The following MACF1 variants were observed in gnomAD, a reference collection of about 807,000 sequenced individuals.
MACF1 encodes the protein microtubule-actin cross-linking factor 1.
MACF1 carries 193 observed loss-of-function variants against 854.8 expected under a neutral mutation model. That is an observed-to-expected ratio of 0.23 (90% confidence interval 0.20 to 0.25). MACF1 has a LOEUF of 0.25. Ranked by LOEUF, MACF1 falls within the 10% of genes least tolerant of loss-of-function variation. MACF1 has a pLI of 1.00. For synonymous variants in MACF1, 3,185 were observed against 3,226.7 expected, an observed-to-expected ratio of 0.99 and a Z score of 0.44; for missense variants, 7,722 against 8,929.1, an observed-to-expected ratio of 0.86 and a Z score of 5.45.
Position 39,099,906 on chromosome 1 carries a change from C to T in MACF1, c.220+15468C>T, listed in dbSNP as rs533523383. On this transcript the variant is annotated intron_variant, in intron 2 of 93. Transcript: ENST00000361689. ...GAGTTCAAGACCAACATAGTGAGAC[C>T]CTGTCTCTATAAAAAATTTTTTTAA... 1.9e-4 allele frequency among the ~76,000 whole-genome samples: 29 copies of T among 152,180 alleles called. No individual in the cohort carries two copies. The East Asian group carries it at 3.5e-3, about 18-fold the overall frequency.
intron 97 of MACF1, among the ~76,000 whole-genome samples, chr1:39,476,525 TG>T (rs1644886199): frequency 6.6e-6 from 1 of 151,048 alleles, no homozygotes; most frequent in African/African-American, 2.4e-5. Context: ...GAGCCAAGAT[TG>T]GGCCACTGCA....
At chr1:39,311,917 A>G (rs1002011689) in intron 26 of MACF1, among the ~76,000 whole-genome samples, 16 of 152,012 alleles carry the variant, frequency 1.1e-4, no homozygotes, top group African/African-American at 2.4e-4. Context: ...CTAACTTTCT[A>G]TTTTTTCCCC....
intron 2 of MACF1, among the ~76,000 whole-genome samples, chr1:39,233,805 T>TA (rs1195946756): frequency 1.0e-5 from 1 of 99,610 alleles, no homozygotes; most frequent in African/African-American, 3.0e-5. Flanking sequence ...TTTATTTATT[T>TA]TTTATTGATA....
At chr1:39,160,653 T>G (rs1207040129) in intron 2 of MACF1, among the ~76,000 whole-genome samples, 1 of 152,234 alleles carries the variant, frequency 6.6e-6, no homozygotes, top group Non-Finnish European at 1.5e-5. Context: ...GTGGGAGAAG[T>G]TCCTGGAAAG....
intron 58 of MACF1, among the ~76,000 whole-genome samples, chr1:39,391,645 G>A (rs1642040707): frequency 1.3e-5 from 2 of 152,204 alleles, no homozygotes; most frequent in South Asian, 4.1e-4. Flanking sequence ...ATAGTGTTTG[G>A]ATTTGAGGAC....
chr1:39,288,600 G>GA (rs894564130), intron 15 of MACF1, among the ~76,000 whole-genome samples: 5 of 151,818 alleles, frequency 3.3e-5, no homozygotes, highest in African/African-American at 1.2e-4. Flanking sequence ...AGGAGTTCAA[G>GA]ACCAGTCTGG....
intron 84 of MACF1, among the ~76,000 whole-genome samples, chr1:39,449,712 T>TTTG (rs1553428222): frequency 2.1e-5 from 3 of 145,980 alleles, no homozygotes; most frequent in African/African-American, 7.4e-5. Context: ...TTTTTTTTTT[T>TTTG]GTCATGTTGA....
At chr1:39,307,048 T>C (rs1303030818) in intron 23 of MACF1, among the ~76,000 whole-genome samples, 1 of 151,764 alleles carries the variant, frequency 6.6e-6, no homozygotes, top group Non-Finnish European at 1.5e-5. Context: ...CTAATTTTTA[T>C]ATTTTTAGTA....
At chr1:39,297,215 C>T (rs924996321) in intron 20 of MACF1, among the ~76,000 whole-genome samples, 7 of 152,130 alleles carry the variant, frequency 4.6e-5, no homozygotes, top group South Asian at 2.1e-4. Context: ...CGTGAGCCAC[C>T]GCGCCTGGCC....
chr1:39,175,695 A>C (rs1022404837), intron 2 of MACF1, among the ~76,000 whole-genome samples: 68 of 151,916 alleles, frequency 4.5e-4, no homozygotes, highest in African/African-American at 1.5e-3. Context: ...GCTCACACCT[A>C]TAATCCCAGC....
intron 87 of MACF1, 128 bp downstream of exon 87, chr1:39,452,940 C>G: frequency 9.2e-7 from 1 of 1,082,748 alleles, no homozygotes; most frequent in Non-Finnish European, 1.3e-6. Context: ...ACCAGAGTGG[C>G]CCTAGCTCAT....
rs781701649 is a variant in MACF1 at position 39,358,758 on chromosome 1, G to C, written c.12005G>C (p.Ser4002Thr). Residue 4002 changes from serine (S) to threonine (T), a missense_variant, in exon 46 of 101, where the codon AGT becomes ACT. Ser to Thr is a moderately conservative substitution (Grantham distance 58). Around this residue, in one of 15 missense-constraint regions of MACF1, gnomAD observed 2,807 missense variants for 3,235.8 expected, o/e 0.87. Coordinates refer to ENST00000564288, the MANE Select transcript of MACF1 (RefSeq NM_001394062.1). ...LLGQYHQFQN[S>T]ADSLQAWMQA... ...GGCCAGTATCATCAATTCCAAAACA[G>C]TGCTGACAGCCTGCAGGCCTGGATG... 2 of 1,614,106 alleles carry C rather than the reference G, an allele frequency of 1.2e-6. No individual in the cohort carries two copies. Among genetic ancestry groups the C allele is most frequent in the Non-Finnish European group, 1.7e-6 (2 of 1,180,014 alleles).
At chr1:39,428,666 A>G (rs139938654) in intron 63 of MACF1, among the ~76,000 whole-genome samples, 2 of 152,356 alleles carry the variant, frequency 1.3e-5, no homozygotes, top group South Asian at 2.1e-4. Context: ...TTGATCATAC[A>G]GTTAAAAAAC....
chr1:39,202,512 G>A (rs968892094), upstream of MACF1, among the ~76,000 whole-genome samples: 3 of 151,694 alleles, frequency 2.0e-5, no homozygotes, highest in Admixed American at 2.0e-4. Context: ...GCACGTGCCT[G>A]TAGTCCCAGC....
Position 39,084,331 on chromosome 1 carries a change from C to T in MACF1, c.113C>T (p.Pro38Leu). The T allele has an allele frequency of 6.2e-7, 1 of 1,614,006 alleles. No individual in the cohort carries two copies. The highest frequency in any genetic ancestry group is 8.5e-7 in the Non-Finnish European group (1 of 1,180,028). ...CGGTCGGGGAGCCTGTCTCCCTGTC[C>T]CCCAGGGGACACCTTGCCCTGGAAC... The change falls in exon 2 of 94, where the codon CCC (proline) becomes CTC (leucine). Residue 38 changes from proline (P) to leucine (L), a missense_variant. Transcript: ENST00000361689. This position sits in a 1 kb window ranked among gnomAD's most constrained non-coding sequence, Gnocchi z 5.2.
In MACF1 at chr1:39,332,253, C is replaced by G; in HGVS notation, c.5665C>G (p.Leu1889Val). 6.2e-7 allele frequency: 1 copy of G among 1,613,960 alleles called. No homozygotes were observed. The highest frequency in any genetic ancestry group is 8.5e-7 in the Non-Finnish European group (1 of 1,180,026). The part of the protein sequence containing the change: ...ILSNRQHIKA[L>V]FLPATTEILS... ...TAGTAACCGACAGCATATTAAGGCT[C>G]TGTTTCTACCAGCAACCACAGAGAT... The change falls in exon 37 of 101, where the codon CTG becomes GTG. Residue 1889 changes from leucine (L) to valine (V), a missense_variant. This residue lies in a region of MACF1 where 1,531 missense variants were observed against 1,601.6 expected (regional missense o/e 0.96). Transcript: ENST00000564288.
chr1:39,243,834 ATT>A (rs1644951489), intron 2 of MACF1, among the ~76,000 whole-genome samples: 1 of 152,112 alleles, frequency 6.6e-6, no homozygotes, highest in South Asian at 2.1e-4. Flanking sequence ...CAGCCTGGCA[ATT>A]TAGTAGATGT....
Position 39,452,617 on chromosome 1 carries a change from G to T in MACF1, c.20614-67G>T, listed in dbSNP as rs189782147. On this transcript the variant is annotated intron_variant, in intron 86 of 100. Coordinates refer to ENST00000564288, the MANE Select transcript of MACF1 (RefSeq NM_001394062.1). ...GAATGAACACTGGACCCTTTCCCTA[G>T]CATGTCCCAGTATCTAGGTCCTTGG... 46 of 1,596,488 alleles carry T rather than the reference G, an allele frequency of 2.9e-5. No individual in the cohort carries two copies. In the African/African-American group the frequency reaches 4.6e-4, roughly 16 times the overall value.
intron 49 of MACF1, among the ~76,000 whole-genome samples, chr1:39,366,565 T>C (rs1486907790): frequency 6.6e-6 from 1 of 152,200 alleles, no homozygotes; most frequent in African/African-American, 2.4e-5. Flanking sequence ...TTGAGCCTTT[T>C]GTGTTGCTAT....
Sources: allele counts gnomAD v4.1 joint callset (sites outside exome capture counted in the v4.1 genomes callset), GRCh38; gene constraint gnomAD v4.1.1; regional missense constraint gnomAD v4.1.1; non-coding constraint Gnocchi (gnomAD v3.1); transcripts MANE v1.5; gene names NCBI Gene and HGNC (gene_info 2026-07-23, HGNC 2026-07-21).